Variants in RASGRP1 observed in about 807,000 individuals in gnomAD.
RASGRP1 encodes the protein RAS guanyl-releasing protein 1.
Under a neutral mutation model 95.1 loss-of-function variants are expected in RASGRP1, and 37 were observed. The observed-to-expected ratio is 0.39, with a 90% CI of 0.30 to 0.51. The LOEUF (loss-of-function observed/expected upper bound fraction) is 0.51, where lower values mean the gene tolerates loss of function less well. RASGRP1 is among the 20% of genes least tolerant of loss of function. The pLI is 0.80. For synonymous variants in RASGRP1, 325 were observed against 353.4 expected, an observed-to-expected ratio of 0.92 and a Z score of 0.90; for missense variants, 711 against 965.4, an observed-to-expected ratio of 0.74 and a Z score of 3.49.
chr15:38,537,744 A>T lies in RASGRP1; in HGVS notation c.221-11340T>A, dbSNP rs142630375. On this transcript the variant is annotated intron_variant, in intron 2 of 16. Transcript: ENST00000310803. ...AACATGAGATTTGGGCAGGAACAAC[A>T]TCCCAACTATATTAGTAGCCTTCCA... Among the ~76,000 whole-genome samples the T allele has an allele frequency of 5.3e-5, 8 of 152,242 alleles. No homozygotes were observed. In the East Asian group the frequency reaches 1.4e-3, roughly 26 times the overall value.
chr15:38,526,541 C>T lies in RASGRP1; in HGVS notation c.221-137G>A. 3 of 612,150 alleles carry T rather than the reference C, an allele frequency of 4.9e-6. No individual in the cohort carries two copies. The South Asian group carries it at 6.0e-5, about 12-fold the overall frequency. The allele number at this position is 612,150 out of a possible 1,614,324, so 37.9% of individuals were successfully genotyped here. On this transcript the variant is annotated intron_variant, in intron 2 of 16. Transcript: ENST00000310803. ...TTCTTCCACTGCCCCTAGCACAGCCCCCCTCTGTTTTTCTCATCCTCCTGC... is the reference window on the plus strand; with the variant it reads ...TTCTTCCACTGCCCCTAGCACAGCCTCCCTCTGTTTTTCTCATCCTCCTGC...
At chr15:38,542,862 C>CATATATGTGTATATATAT (rs1566933422) in intron 2 of RASGRP1, among the ~76,000 whole-genome samples, 2 of 77,504 alleles carry the variant, frequency 2.6e-5, no homozygotes, top group Non-Finnish European at 5.2e-5. Context: ...TATATATATA[C>CATATATGTGTATATATAT]ACATATATGT....
chr15:38,494,548 G>A lies in RASGRP1; in HGVS notation c.2093C>T (p.Thr698Ile), dbSNP rs770796496. ...GPFVLSSPRK[T>I]AQDTLYVLPS... is the part of the protein sequence containing the mutation. ...AAGCACATATAGAGTATCCTGGGCT[G>A]TCTTCCTTGGGGAAGACAGCACAAA... The change falls in exon 16 of 17, where the codon ACA becomes ATA. Residue 698 changes from threonine (T) to isoleucine (I), a missense_variant. Thr to Ile is a moderately conservative substitution (Grantham distance 89, BLOSUM62 -1). Around this residue, in one of 3 missense-constraint regions of RASGRP1, gnomAD observed 212 missense variants for 247.8 expected, o/e 0.86. Transcript: ENST00000310803. 5 of 1,584,240 alleles carry A rather than the reference G, an allele frequency of 3.2e-6. No homozygotes were observed. Among genetic ancestry groups the A allele is most frequent in the Non-Finnish European group, 4.3e-6 (5 of 1,164,698 alleles).
At chr15:38,554,947 C>G (rs931763357) in intron 2 of RASGRP1, among the ~76,000 whole-genome samples, 2 of 152,226 alleles carry the variant, frequency 1.3e-5, no homozygotes, top group Non-Finnish European at 2.9e-5. Context: ...GACTTTGTTC[C>G]TTGGTGTTGC....
chr15:38,518,904 T>C (rs1384721133), intron 4 of RASGRP1, among the ~76,000 whole-genome samples: 1 of 152,124 alleles, frequency 6.6e-6, no homozygotes, highest in Non-Finnish European at 1.5e-5. Flanking sequence ...TATATTTTCA[T>C]CTCAAAAAAA....
rs56281200 is a variant in RASGRP1 at position 38,559,761 on chromosome 15, T to C, written c.220+60A>G. On this transcript the variant is annotated intron_variant, in intron 2 of 16. Transcript: ENST00000310803. ...TAGATTGCTGTTCCGTAAAGCACTTTTAAAGGACGAACAAAGTAATAGAGT... is the reference window on the plus strand; with the variant it reads ...TAGATTGCTGTTCCGTAAAGCACTTCTAAAGGACGAACAAAGTAATAGAGT... 4.3e-4 allele frequency: 657 copies of C among 1,518,486 alleles called. 4 individuals are homozygous for C. In the East Asian group the frequency reaches 0.014, roughly 32 times the overall value. 94.1% of individuals were successfully genotyped at this position (1,518,486 alleles called of 1,614,324 possible).
At position 38,502,427 on chromosome 15, in the gene RASGRP1, A is replaced by G; in HGVS notation, c.1429-6T>C. The G allele has an allele frequency of 6.4e-7, 1 of 1,551,892 alleles. No homozygotes were observed. Among genetic ancestry groups the G allele is most frequent in the Non-Finnish European group, 8.9e-7 (1 of 1,125,386 alleles). ...TCATAGTTCTTGAAGACAGACTGTG[A>G]AAAAGGAGTTTTTTTGGTGATTACT... On this transcript the variant is annotated splice_region_variant and splice_polypyrimidine_tract_variant and intron_variant, in intron 11 of 16. Transcript: ENST00000310803.
chr15:38,510,802 A>G (rs1394574702), intron 8 of RASGRP1, among the ~76,000 whole-genome samples: 1 of 152,212 alleles, frequency 6.6e-6, no homozygotes, highest in Non-Finnish European at 1.5e-5. Flanking sequence ...CTCTACAAAA[A>G]TTTTAAAAAA....
chr15:38,497,147 C>G (rs1890823343), intron 15 of RASGRP1, among the ~76,000 whole-genome samples: 2 of 152,072 alleles, frequency 1.3e-5, no homozygotes, highest in Non-Finnish European at 2.9e-5. Flanking sequence ...TGCTGAAGAC[C>G]TATATGTTCT....
At chr15:38,502,530 T>A (rs1891076222) in intron 11 of RASGRP1, 109 bp from the exon 12 acceptor site, 4 of 666,214 alleles carry the variant, frequency 6.0e-6, no homozygotes, top group Non-Finnish European at 1.0e-5. Context: ...TTTAACAACC[T>A]GAACGAGAGG....
intron 3 of RASGRP1, among the ~76,000 whole-genome samples, chr15:38,522,009 C>T (rs1376420229): frequency 6.6e-6 from 1 of 152,130 alleles, no homozygotes; most frequent in Admixed American, 6.6e-5. Context: ...TGAGCAAAGC[C>T]CAGATATCAC....
At chr15:38,494,347 T>C (rs192106233) in intron 16 of RASGRP1, 35 bp downstream of exon 16, 6 of 1,609,502 alleles carry the variant, frequency 3.7e-6, no homozygotes, top group Admixed American at 3.3e-5. Context: ...TTCTCTAAGA[T>C]AGTCTGAAAA....
chr15:38,496,680 T>C (rs78040654), intron 15 of RASGRP1, among the ~76,000 whole-genome samples: 15,101 of 152,214 alleles, frequency 0.099, 1,067 homozygotes, highest in Middle Eastern at 0.21. Context: ...GAGGATTTTT[T>C]CCCCCTAAGA....
rs370893913 is a variant in RASGRP1, at chr15:38,500,086, A to G, written c.1720+17T>C. The stretch of plus-strand genomic sequence containing the variant: ...GGACTGATACACCAGGAATATGTCA[A>G]CAATATTGAGTCTTACCTTTACATC... On this transcript the variant is annotated intron_variant, in intron 14 of 16. Coordinates refer to ENST00000310803, the MANE Select transcript of RASGRP1 (RefSeq NM_005739.4). 1.7e-5 allele frequency: 28 copies of G among 1,611,588 alleles called. No homozygotes were observed. In the African/African-American group the frequency reaches 2.5e-4, roughly 15 times the overall value.
chr15:38,512,265 G>C (rs558641134), intron 7 of RASGRP1, among the ~76,000 whole-genome samples: 1 of 152,308 alleles, frequency 6.6e-6, no homozygotes, highest in South Asian at 2.1e-4. Context: ...TGCAATGCCA[G>C]TGCCTATATA....
rs376843963 is a variant in RASGRP1, at chr15:38,562,523, A to G, written c.35+2071T>C. On this transcript the variant is annotated intron_variant, in intron 1 of 16. Transcript: ENST00000310803. ...TACATAGCCACTGCTGGGATTACTC[A>G]GCTTTCTGCCCCAGCTGCTGCCTTT... Among the ~76,000 whole-genome samples the G allele has an allele frequency of 1.8e-3, 272 of 152,356 alleles. 2 individuals carry two copies. Among genetic ancestry groups the G allele is most frequent in the African/African-American group, 6.1e-3 (254 of 41,578 alleles).
intron 16 of RASGRP1, among the ~76,000 whole-genome samples, chr15:38,493,115 C>T (rs1411416968): frequency 6.6e-5 from 10 of 150,788 alleles, no homozygotes; most frequent in Non-Finnish European, 1.2e-4. Context: ...CTCGTGACCT[C>T]GTGATCCGCC....
chr15:38,510,822 A>G (rs928838065), intron 8 of RASGRP1, among the ~76,000 whole-genome samples: 2 of 152,168 alleles, frequency 1.3e-5, no homozygotes, highest in African/African-American at 4.8e-5. Flanking sequence ...ATAGCTGGGC[A>G]TAATGGTGTG....
intron 2 of RASGRP1, among the ~76,000 whole-genome samples, chr15:38,541,855 A>G (rs1026856190): frequency 6.6e-6 from 1 of 152,194 alleles, no homozygotes; most frequent in African/African-American, 2.4e-5. Flanking sequence ...GCCTAGAGGG[A>G]GGTAAACACG....
Sources: allele counts gnomAD v4.1 joint callset (sites outside exome capture counted in the v4.1 genomes callset), GRCh38; gene constraint gnomAD v4.1.1; regional missense constraint gnomAD v4.1.1; transcripts MANE v1.5; gene names NCBI Gene and HGNC (gene_info 2026-07-23, HGNC 2026-07-21).